The following ATP8B1 variants were observed in gnomAD, a reference collection of about 807,000 sequenced individuals.
ATP8B1 encodes ATPase phospholipid transporting 8B1.
ATP8B1 carries 80 observed loss-of-function variants against 149.9 expected under a neutral mutation model. The observed-to-expected ratio is 0.53, with a 90% CI of 0.45 to 0.64. The LOEUF (loss-of-function observed/expected upper bound fraction) is 0.64. Among genes scored for constraint, ATP8B1 ranks in the 30% least tolerant of loss-of-function variants. The pLI, the probability that ATP8B1 is intolerant of heterozygous loss-of-function variation, is 0.00. For synonymous variants in ATP8B1, 536 were observed against 562.8 expected, an observed-to-expected ratio of 0.95 and a Z score of 0.67; for missense variants, 1,247 against 1,552.6, an observed-to-expected ratio of 0.80 and a Z score of 3.31.
rs199514707 is a variant in ATP8B1 at position 57,652,686 on chromosome 18, A to G, written c.3059T>C (p.Ile1020Thr). Reference sequence around the variant, plus strand: ...GAATAGTAAGTCTCTTTGTCCCACTATGTATAACCCAGGGAATCGGAGGCT... The same window carrying G: ...GAATAGTAAGTCTCTTTGTCCCACTGTGTATAACCCAGGGAATCGGAGGCT... ...KLSLRFPGLY[I>T]VGQRDLLFNY... Residue 1020 changes from isoleucine (I) to threonine (T), a missense_variant, in exon 25 of 28, where the codon ATA (isoleucine) becomes ACA (threonine). Ile to Thr is a moderately conservative substitution (Grantham distance 89). Transcript: ENST00000648908. 40 of 1,614,028 alleles carry G rather than the reference A, an allele frequency of 2.5e-5. No homozygotes were observed. The Admixed American group carries it at 3.0e-4, about 12-fold the overall frequency.
intron 1 of ATP8B1, among the ~76,000 whole-genome samples, chr18:57,742,175 T>G (rs892137999): frequency 3.3e-5 from 5 of 152,132 alleles, no homozygotes; most frequent in Non-Finnish European, 7.4e-5. Context: ...TGGCCAATGC[T>G]CAGTATTCTT....
At chr18:57,707,656 C>A (rs546617554) in intron 2 of ATP8B1, among the ~76,000 whole-genome samples, 93 of 151,586 alleles carry the variant, frequency 6.1e-4, no homozygotes, top group Middle Eastern at 3.4e-3. Context: ...TTACAGGTGC[C>A]TGCCACCACA....
At chr18:57,779,846 C>G (rs115703097) in intron 1 of ATP8B1, among the ~76,000 whole-genome samples, 1 of 147,800 alleles carries the variant, frequency 6.8e-6, no homozygotes, top group Non-Finnish European at 1.5e-5. Flanking sequence ...TGCAGTGAGC[C>G]GAGATTTCCC....
intron 9 of ATP8B1, 42 bp from the exon 10 acceptor site, chr18:57,695,371 A>C: frequency 6.3e-7 from 1 of 1,591,618 alleles, no homozygotes. Context: ...CACATACAAA[A>C]GTCTTTCTGG....
chr18:57,708,696 T>C (rs1913542568), intron 2 of ATP8B1: 1 of 152,222 alleles, frequency 6.6e-6, no homozygotes, highest in Non-Finnish European at 1.5e-5. Flanking sequence ...AAGGGATTTT[T>C]AAAAAGTCAA....
At chr18:57,747,062 C>G (rs978820970) in intron 1 of ATP8B1, among the ~76,000 whole-genome samples, 30 of 152,198 alleles carry the variant, frequency 2.0e-4, no homozygotes, top group African/African-American at 7.0e-4. Flanking sequence ...AGAGCCCTTG[C>G]TGATCCTCAG....
intron 1 of ATP8B1, among the ~76,000 whole-genome samples, chr18:57,753,075 A>G (rs2080037973): frequency 6.6e-6 from 1 of 152,340 alleles, no homozygotes; most frequent in Non-Finnish European, 1.5e-5. Flanking sequence ...CTAGATGACA[A>G]TAACTTCAAG....
chr18:57,799,791 C>T (rs1178415846), intron 1 of ATP8B1, among the ~76,000 whole-genome samples: 4 of 151,616 alleles, frequency 2.6e-5, no homozygotes, highest in African/African-American at 9.7e-5. Flanking sequence ...TATATACATA[C>T]ATGCACATAT....
intron 15 of ATP8B1, among the ~76,000 whole-genome samples, chr18:57,683,498 C>G (rs960555732): frequency 6.6e-6 from 1 of 152,196 alleles, no homozygotes; most frequent in Admixed American, 6.5e-5. Flanking sequence ...CTGGCTTGTT[C>G]CCATGAAATT....
At chr18:57,689,499 TCCTTAA>T (rs1317742817) in intron 12 of ATP8B1, among the ~76,000 whole-genome samples, 2 of 152,148 alleles carry the variant, frequency 1.3e-5, no homozygotes, top group Non-Finnish European at 2.9e-5. Context: ...GCCAAGGAAG[TCCTTAA>T]CAAGTTAAAC....
chr18:57,667,655 C>A, intron 19 of ATP8B1: 1 of 186,858 alleles, frequency 5.4e-6, no homozygotes, highest in South Asian at 9.6e-5. Flanking sequence ...TATTATCAAA[C>A]ATATAAACTG....
At chr18:57,798,313 C>T (rs1020835660) in intron 1 of ATP8B1, among the ~76,000 whole-genome samples, 18 of 151,916 alleles carry the variant, frequency 1.2e-4, no homozygotes, top group Admixed American at 6.6e-4. Context: ...TGGTGGTTCA[C>T]ACCTATAATC....
At chr18:57,752,243 T>TAATAATAATAAA (rs386387818) in intron 1 of ATP8B1, among the ~76,000 whole-genome samples, 8 of 149,670 alleles carry the variant, frequency 5.3e-5, no homozygotes, top group Non-Finnish European at 1.0e-4. Flanking sequence ...ATAATAATAA[T>TAATAATAATAAA]AAATGATAAT....
At chr18:57,778,228 C>CTTTTTTTTTTTT (rs5825238) in intron 1 of ATP8B1, among the ~76,000 whole-genome samples, 1 of 97,684 alleles carries the variant, frequency 1.0e-5, no homozygotes, top group Non-Finnish European at 1.9e-5. Flanking sequence ...TTTTCTTTTT[C>CTTTTTTTTTTTT]TTTTTTTTTT....
intron 3 of ATP8B1, among the ~76,000 whole-genome samples, 153 bp downstream of exon 3, chr18:57,706,337 T>C (rs1913391102): frequency 6.6e-6 from 1 of 152,122 alleles, no homozygotes; most frequent in Non-Finnish European, 1.5e-5. Context: ...TAAACATCAA[T>C]AAAAATGACA....
intron 1 of ATP8B1, among the ~76,000 whole-genome samples, chr18:57,789,305 G>T (rs2080439149): frequency 6.6e-6 from 1 of 152,126 alleles, no homozygotes; most frequent in Non-Finnish European, 1.5e-5. Flanking sequence ...CGGCTGTGAG[G>T]TCTCGGAAAG....
rs891048526 is a variant in ATP8B1 at position 57,793,431 on chromosome 18, T to G, written c.-26+9567A>C. 1.3e-5 allele frequency among the ~76,000 whole-genome samples: 2 copies of G among 151,900 alleles called. 1 individual carries two copies. Among genetic ancestry groups the G allele is most frequent in the Non-Finnish European group, 2.9e-5 (2 of 67,980 alleles). On this transcript the variant is annotated intron_variant, in intron 1 of 27. Transcript: ENST00000648908. ...GCCTGGCTTTGCCTCCTGCTTGAACTCCCGGATTGGGAGCCTTCTGCCTGG... is the reference window on the plus strand; with the variant it reads ...GCCTGGCTTTGCCTCCTGCTTGAACGCCCGGATTGGGAGCCTTCTGCCTGG...
At chr18:57,714,618 A>G (rs1421661198) in intron 2 of ATP8B1, among the ~76,000 whole-genome samples, 1 of 127,948 alleles carries the variant, frequency 7.8e-6, no homozygotes, top group Non-Finnish European at 1.8e-5. Flanking sequence ...GAAAGAGCAA[A>G]AAAAGAGAGA....
chr18:57,781,554 G>A (rs1386759022), intron 1 of ATP8B1, among the ~76,000 whole-genome samples: 1 of 152,190 alleles, frequency 6.6e-6, no homozygotes, highest in Non-Finnish European at 1.5e-5. Flanking sequence ...CATCTGTAAA[G>A]TGAAAATTAA....
Sources: allele counts gnomAD v4.1 joint callset (sites outside exome capture counted in the v4.1 genomes callset), GRCh38; gene constraint gnomAD v4.1.1; transcripts MANE v1.5; gene names NCBI Gene and HGNC (gene_info 2026-07-23, HGNC 2026-07-21).